Variants in DNAH12 observed in about 807,000 individuals in gnomAD.
The protein encoded by DNAH12 is axonemal beta dynein heavy chain 12.
In DNAH12, 285 loss-of-function variants were observed where a neutral mutation model predicts 371.5. The observed-to-expected ratio is 0.77, with a 90% CI of 0.70 to 0.85. DNAH12 has a LOEUF of 0.85. DNAH12 is among the 40% of genes least tolerant of loss of function. The pLI is 0.00. For missense variants in DNAH12, 3,611 were observed against 3,689.4 expected (o/e 0.98, Z 0.55); for synonymous variants, 1,200 against 1,213.0 (o/e 0.99, Z 0.22).
At chr3:57,381,692 C>G (rs2063395038) in intron 50 of DNAH12, among the ~76,000 whole-genome samples, 1 of 151,940 alleles carries the variant, frequency 6.6e-6, no homozygotes, top group African/African-American at 2.4e-5. Flanking sequence ...CATTCTAGCT[C>G]CAGGGCACAT....
intron 65 of DNAH12, among the ~76,000 whole-genome samples, chr3:57,318,384 A>C (rs1453446755): frequency 1.3e-5 from 2 of 152,152 alleles, no homozygotes; most frequent in African/African-American, 2.4e-5. Context: ...GTGGATATGC[A>C]GTTTTCTCAA....
In DNAH12 at chr3:57,453,282, T is replaced by C. The variant is rs1312979150; in HGVS notation, c.3578A>G (p.His1193Arg). 2 of 1,543,676 alleles carry C rather than the reference T, an allele frequency of 1.3e-6. No individual in the cohort carries two copies. The highest frequency in any genetic ancestry group is 2.4e-5 in the East Asian group (1 of 40,832). ...TLGALVTIDVHARDVVMDMIK... is the reference protein window; with the variant it reads ...TLGALVTIDVRARDVVMDMIK... ...CATGTCCATGACCACATCTCTAGCATGGACATCAATAGTAACCAAAGCCCC... is the reference window on the plus strand; with the variant it reads ...CATGTCCATGACCACATCTCTAGCACGGACATCAATAGTAACCAAAGCCCC... The change falls in exon 24 of 74, where the codon CAT (histidine) becomes CGT (arginine). Residue 1193 changes from histidine to arginine, a missense_variant. Coordinates refer to ENST00000495027, the MANE Select transcript of DNAH12 (RefSeq NM_001366028.2).
intron 37 of DNAH12, 85 bp from the exon 38 acceptor site, chr3:57,415,649 T>C (rs2064349717): frequency 7.7e-7 from 1 of 1,306,558 alleles, no homozygotes; most frequent in Non-Finnish European, 1.0e-6. Context: ...GTTAAAAGTG[T>C]ACATAAGAAT....
At chr3:57,522,164 C>A (rs2068472565) in intron 4 of DNAH12, among the ~76,000 whole-genome samples, 1 of 151,888 alleles carries the variant, frequency 6.6e-6, no homozygotes. Context: ...ATGGAGTTTG[C>A]AGTGAGCCAG....
chr3:57,378,203 A>AG (rs1337815401), intron 52 of DNAH12, among the ~76,000 whole-genome samples: 5 of 152,202 alleles, frequency 3.3e-5, no homozygotes, highest in African/African-American at 1.2e-4. Flanking sequence ...GTGGAGTTAT[A>AG]GAGTGGGAAG....
intron 16 of DNAH12, among the ~76,000 whole-genome samples, 132 bp downstream of exon 16, chr3:57,470,286 AGCAGCACTGGATGTTTCTCCTACAT>A: frequency 6.6e-6 from 1 of 152,294 alleles, no homozygotes; most frequent in South Asian, 2.1e-4. Context: ...GTGGGACCTT[AGCAGCACTGGATGTTTCTCCTACAT>A]GGTACCTGGT....
intron 39 of DNAH12, among the ~76,000 whole-genome samples, chr3:57,410,821 C>CAAA (rs36056798): frequency 2.3e-3 from 334 of 146,674 alleles, no homozygotes; most frequent in African/African-American, 8.1e-3. Flanking sequence ...GTCTCAAAGG[C>CAAA]AAAAAAAAAA....
At chr3:57,354,658 G>A (rs1332682339) in intron 59 of DNAH12, among the ~76,000 whole-genome samples, 6 of 151,726 alleles carry the variant, frequency 4.0e-5, no homozygotes, top group South Asian at 4.2e-4. Context: ...ACAAATACAC[G>A]TACATGAATG....
chr3:57,491,096 A>AC (rs1239374255), intron 11 of DNAH12, among the ~76,000 whole-genome samples: 63 of 146,628 alleles, frequency 4.3e-4, no homozygotes, highest in Non-Finnish European at 7.4e-4. Flanking sequence ...AAAAAAAAAA[A>AC]AAAAACAACA....
At chr3:57,511,019 T>C (rs1171024771) in intron 4 of DNAH12, 40 bp from the exon 5 acceptor site, 9 of 1,491,292 alleles carry the variant, frequency 6.0e-6, no homozygotes, top group Non-Finnish European at 7.2e-6. Context: ...TGCATGGTTG[T>C]ATCATTTCAG....
chr3:57,390,424 A>AAAAAAAAAAAAAAAAAAAT, intron 45 of DNAH12, among the ~76,000 whole-genome samples: 4 of 33,422 alleles, frequency 1.2e-4, no homozygotes, highest in African/African-American at 2.5e-4. Context: ...AAAAAAAAAA[A>AAAAAAAAAAAAAAAAAAAT]ATATATATAT....
chr3:57,318,927 G>C (rs2153285869), intron 65 of DNAH12, among the ~76,000 whole-genome samples: 1 of 152,080 alleles, frequency 6.6e-6, no homozygotes, highest in South Asian at 2.1e-4. Context: ...TTTTGATAGG[G>C]ATTGCTAAAT....
At chr3:57,373,788 TC>T (rs2063226604) in intron 55 of DNAH12, among the ~76,000 whole-genome samples, 1 of 152,236 alleles carries the variant, frequency 6.6e-6, no homozygotes, top group Non-Finnish European at 1.5e-5. Context: ...CAAAATATAT[TC>T]TTTTTCAGAT....
At chr3:57,372,955 A>G (rs1213870196) in intron 55 of DNAH12, among the ~76,000 whole-genome samples, 1 of 152,258 alleles carries the variant, frequency 6.6e-6, no homozygotes, top group Non-Finnish European at 1.5e-5. Context: ...AAAATTAGAA[A>G]GACTAAAGGG....
In DNAH12 at chr3:57,310,751, T is replaced by C; in HGVS notation, c.10862A>G (p.Lys3621Arg). The C allele has an allele frequency of 6.4e-7, 1 of 1,551,576 alleles. No individual in the cohort carries two copies. Among genetic ancestry groups the C allele is most frequent in the South Asian group, 1.2e-5 (1 of 84,060 alleles). ...SPSGNYFAPP[K>R]GTYEDYIEFI... ...TTCAATGTAGTCCTCATAAGTGCCT[T>C]TAGGAGGTGCAAAATAGTTTCCACT... The change falls in exon 67 of 74, where the codon AAA becomes AGA. Residue 3621 changes from lysine to arginine, a missense_variant. By Grantham distance (26) the Lys-to-Arg change is conservative (BLOSUM62 2). Coordinates refer to ENST00000495027, the MANE Select transcript of DNAH12 (RefSeq NM_001366028.2).
In DNAH12 at chr3:57,507,702, C is replaced by T. The variant is rs768045344; in HGVS notation, c.838G>A (p.Val280Ile). 5 of 1,610,744 alleles carry T rather than the reference C, an allele frequency of 3.1e-6. No homozygotes were observed. The highest frequency in any genetic ancestry group is 4.2e-6 in the Non-Finnish European group (5 of 1,179,548). ...AATGCATCCAATTTTTCAGGTTTAA[C>T]ACCTTCTAGTGCCTCCTTCTTGGTA... is the stretch of plus-strand genomic sequence containing the variant. The part of the protein sequence containing the change: ...LFTKKEALEG[V>I]KPEKLDAFYS... The change falls in exon 8 of 74, where the codon GTT becomes ATT. Residue 280 changes from valine to isoleucine, a missense_variant. This residue lies in a region of DNAH12 where 1,314 missense variants were observed against 1,398.7 expected (regional missense o/e 0.94). Transcript: ENST00000495027.
intron 42 of DNAH12, among the ~76,000 whole-genome samples, chr3:57,404,438 A>G (rs7632413): frequency 0.11 from 17,085 of 152,220 alleles, 2,143 homozygotes; most frequent in African/African-American, 0.31. Context: ...AGTTTCGGCC[A>G]GGTGTGGTGG....
At chr3:57,427,656 C>T (rs2064819797) in intron 34 of DNAH12, among the ~76,000 whole-genome samples, 1 of 151,938 alleles carries the variant, frequency 6.6e-6, no homozygotes, top group Admixed American at 6.6e-5. Context: ...CTCCACTGCG[C>T]TCCAGCCTGG....
At chr3:57,436,900 T>G in intron 30 of DNAH12, 51 bp downstream of exon 30, 1 of 1,236,582 alleles carries the variant, frequency 8.1e-7, no homozygotes, top group South Asian at 1.7e-5. Flanking sequence ...TTAGTTGTTT[T>G]ACCAGCTTAA....
Sources: allele counts gnomAD v4.1 joint callset (sites outside exome capture counted in the v4.1 genomes callset), GRCh38; gene constraint gnomAD v4.1.1; regional missense constraint gnomAD v4.1.1; transcripts MANE v1.5; gene names NCBI Gene and HGNC (gene_info 2026-07-23, HGNC 2026-07-21).